ERICH6B: variants seen among roughly 807,000 people sequenced by gnomAD.
ERICH6B encodes the protein glutamate-rich protein 6B.
Under a neutral mutation model 80.0 loss-of-function variants are expected in ERICH6B, and 69 were observed. The observed-to-expected ratio is 0.86, with a 90% confidence interval of 0.71 to 1.05. The LOEUF (loss-of-function observed/expected upper bound fraction) is 1.05. Ranked by LOEUF, ERICH6B falls within the 50% of genes least tolerant of loss-of-function variation. The probability of loss-of-function intolerance (pLI) is 0.00; values close to 1 mark genes in which losing one functional copy is unlikely to be tolerated. For synonymous variants in ERICH6B, 283 were observed against 291.9 expected, an observed-to-expected ratio of 0.97 and a Z score of 0.31; for missense variants, 754 against 796.1, an observed-to-expected ratio of 0.95 and a Z score of 0.64.
At chr13:45,560,059 T>C (rs1226243978) in intron 11 of ERICH6B, among the ~76,000 whole-genome samples, 1 of 152,214 alleles carries the variant, frequency 6.6e-6, no homozygotes, top group Non-Finnish European at 1.5e-5. Flanking sequence ...GGAGCTCCAA[T>C]GTTAGGTGCA....
At chr13:45,583,778 T>A (rs533795190) in intron 5 of ERICH6B, among the ~76,000 whole-genome samples, 1 of 152,222 alleles carries the variant, frequency 6.6e-6, no homozygotes, top group Non-Finnish European at 1.5e-5. Context: ...ATGTAAGATG[T>A]GCCTTTCCCT....
intron 11 of ERICH6B, chr13:45,552,715 C>T (rs1238730105): frequency 6.6e-6 from 1 of 152,116 alleles, no homozygotes; most frequent in Admixed American, 6.6e-5. Flanking sequence ...TTTTGATATT[C>T]CAGGGAAATA....
intron 11 of ERICH6B, among the ~76,000 whole-genome samples, chr13:45,560,555 C>T (rs966316090): frequency 6.6e-6 from 1 of 152,154 alleles, no homozygotes; most frequent in African/African-American, 2.4e-5. Flanking sequence ...GACATGTATC[C>T]AACATTGTGG....
At chr13:45,553,300 A>G (rs1009199458) in intron 11 of ERICH6B, among the ~76,000 whole-genome samples, 3 of 152,128 alleles carry the variant, frequency 2.0e-5, no homozygotes, top group African/African-American at 7.2e-5. Flanking sequence ...TGGGGACCGC[A>G]TTGCCAGTTA....
At chr13:45,604,991 A>G (rs1949849189) in intron 2 of ERICH6B, among the ~76,000 whole-genome samples, 1 of 152,180 alleles carries the variant, frequency 6.6e-6, no homozygotes, top group Non-Finnish European at 1.5e-5. Flanking sequence ...GGCTGGGCCA[A>G]GCTTTTGAGG....
At chr13:45,563,864 G>C in intron 9 of ERICH6B, 76 bp from the exon 10 acceptor site, 1 of 1,232,078 alleles carries the variant, frequency 8.1e-7, no homozygotes, top group Non-Finnish European at 1.2e-6. Flanking sequence ...AGTGCAGACA[G>C]TACTGGAGCC....
At chr13:45,554,070 A>T (rs1164031803) in intron 11 of ERICH6B, among the ~76,000 whole-genome samples, 1 of 152,228 alleles carries the variant, frequency 6.6e-6, no homozygotes, top group Non-Finnish European at 1.5e-5. Flanking sequence ...GATGTACAAT[A>T]GACCTCTTAA....
chr13:45,606,540 TATATATA>T (rs1163886198), intron 2 of ERICH6B, among the ~76,000 whole-genome samples: 3 of 16,494 alleles, frequency 1.8e-4, no homozygotes, highest in African/African-American at 3.9e-4. Flanking sequence ...TATATATATA[TATATATA>T]TTTTTTTTTT....
In ERICH6B at chr13:45,613,631, G is replaced by T. The variant is rs1162157144; in HGVS notation, c.-111+2054C>A. 2.6e-5 allele frequency among the ~76,000 whole-genome samples: 4 copies of T among 152,300 alleles called. No homozygotes were observed. The East Asian group carries it at 5.8e-4, about 22-fold the overall frequency. On this transcript the variant is annotated intron_variant, in intron 1 of 14. Transcript: ENST00000298738. ...CTATGGATATAGAGCTGAGAGGCAG[G>T]CTTGGGACTTGGGGTGTGCTGCCTA...
intron 3 of ERICH6B, among the ~76,000 whole-genome samples, chr13:45,592,508 C>CA (rs1157337216): frequency 6.6e-6 from 1 of 152,212 alleles, no homozygotes; most frequent in Non-Finnish European, 1.5e-5. Flanking sequence ...AACTGAATTA[C>CA]AGCATTTAGG....
intron 13 of ERICH6B, among the ~76,000 whole-genome samples, chr13:45,548,297 T>C (rs567776061): frequency 6.6e-6 from 1 of 152,342 alleles, no homozygotes; most frequent in South Asian, 2.1e-4. Context: ...GTCCTGTTGG[T>C]GTGGAGGGAA....
In ERICH6B at chr13:45,574,876, A is replaced by G; in HGVS notation, c.1016T>C (p.Ile339Thr). Residue 339 changes from isoleucine (I) to threonine (T), a missense_variant, in exon 8 of 15, where the codon ATT becomes ACT. Ile to Thr is a moderately conservative substitution (Grantham distance 89, BLOSUM62 -1). Coordinates refer to ENST00000298738, the MANE Select transcript of ERICH6B (RefSeq NM_182542.3). ...NFWDGITDES[I>T]DKLEVEDLDE... ...TAAATCTTCCACTTCCAGCTTGTCA[A>G]TGGACTCATCTGTTATACCATCCCA... 4 of 1,551,532 alleles carry G rather than the reference A, an allele frequency of 2.6e-6. No individual in the cohort carries two copies. The highest frequency in any genetic ancestry group is 3.5e-6 in the Non-Finnish European group (4 of 1,146,938).
intron 8 of ERICH6B, among the ~76,000 whole-genome samples, chr13:45,573,159 A>G (rs1475049665): frequency 6.6e-6 from 1 of 152,166 alleles, no homozygotes; most frequent in Admixed American, 6.5e-5. Flanking sequence ...CATTGAATAC[A>G]TATATATTTA....
At chr13:45,558,151 C>T (rs1874515292) in intron 11 of ERICH6B, among the ~76,000 whole-genome samples, 1 of 152,090 alleles carries the variant, frequency 6.6e-6, no homozygotes, top group Non-Finnish European at 1.5e-5. Context: ...TCTTTTACCT[C>T]CTTGGTCAGA....
chr13:45,549,856 T>A, intron 13 of ERICH6B, 37 bp downstream of exon 13: 1 of 1,535,526 alleles, frequency 6.5e-7, no homozygotes, highest in Non-Finnish European at 8.8e-7. Context: ...TGCTTCTCCA[T>A]GGGCAGGAGT....
At chr13:45,593,740 C>T (rs1471534769) in intron 3 of ERICH6B, among the ~76,000 whole-genome samples, 1 of 152,230 alleles carries the variant, frequency 6.6e-6, no homozygotes, top group East Asian at 1.9e-4. Flanking sequence ...CAGGCACCCC[C>T]TTCACTCTCT....
At chr13:45,577,274 A>ATTTTTTTTTTTTTTTTTTTTTT (rs1443888878) in intron 7 of ERICH6B, among the ~76,000 whole-genome samples, 2 of 110,790 alleles carry the variant, frequency 1.8e-5, no homozygotes, top group South Asian at 3.2e-4. Context: ...TTAAAAACAA[A>ATTTTTTTTTTTTTTTTTTTTTT]TCTTTTTTTT....
chr13:45,610,484 T>A (rs991187460), intron 1 of ERICH6B, among the ~76,000 whole-genome samples: 1 of 152,220 alleles, frequency 6.6e-6, no homozygotes, highest in African/African-American at 2.4e-5. Context: ...CAGCCTCACG[T>A]CAATTAGACT....
rs1873775047 is a variant in ERICH6B at position 45,541,576 on chromosome 13, A to G, written c.1977T>C (p.Asn659=). ...QKIRVLLGKM[N]RLLNYATTPD... ...GGGTGGTCGCGTAATTCAGGAGCCTATTCATTTTCCCCAGAAGGACCCGGA... is the reference window on the plus strand; with the variant it reads ...GGGTGGTCGCGTAATTCAGGAGCCTGTTCATTTTCCCCAGAAGGACCCGGA... The change falls in exon 15 of 15, where the codon AAT becomes AAC. Residue 659 remains asparagine (N), a synonymous_variant. Transcript: ENST00000298738. The G allele has an allele frequency of 6.4e-7, 1 of 1,551,732 alleles. No homozygotes were observed. The highest frequency in any genetic ancestry group is 8.7e-7 in the Non-Finnish European group (1 of 1,147,032).
Sources: gnomAD v4.1 joint callset for allele counts (sites outside exome capture counted in the v4.1 genomes callset) on GRCh38, gnomAD v4.1.1 for gene constraint, MANE v1.5 for transcripts, NCBI Gene and HGNC (gene_info 2026-07-23, HGNC 2026-07-21) for gene names.